EBF3: variants seen among roughly 807,000 people sequenced by gnomAD.
The protein encoded by EBF3 is EBF transcription factor 3.
Under a neutral mutation model 77.1 loss-of-function variants are expected in EBF3, and 18 were observed. That is an observed-to-expected ratio of 0.23 (90% CI 0.16 to 0.35). The LOEUF (loss-of-function observed/expected upper bound fraction) is 0.35, where lower values mean the gene tolerates loss of function less well. Ranked by LOEUF, EBF3 falls within the 10% of genes least tolerant of loss-of-function variation. The probability of loss-of-function intolerance (pLI) is 1.00; values close to 1 mark genes in which losing one functional copy is unlikely to be tolerated. For synonymous variants in EBF3, 350 were observed against 343.5 expected (o/e 1.02, Z -0.21); for missense variants, 558 against 860.0 (o/e 0.65, Z 4.39).
chr10:129,961,691 A>C (rs547186425), intron 4 of EBF3, among the ~76,000 whole-genome samples: 1 of 152,218 alleles, frequency 6.6e-6, no homozygotes, highest in East Asian at 1.9e-4. Context: ...TCACCCCAAC[A>C]CATTTAACTT....
In EBF3 at chr10:129,952,647, G is replaced by A. The variant is rs898333235; in HGVS notation, c.554+4611C>T. ...AAGTTCTCTGCTTGGAGATGGAGTA[G>A]GAATAAAAACATTGGGACTGGTCAA... On this transcript the variant is annotated intron_variant, in intron 6 of 16. Coordinates refer to ENST00000440978, the MANE Select transcript of EBF3 (RefSeq NM_001375380.1). The surrounding 1 kb of genome is among the most constrained non-coding windows in gnomAD (Gnocchi z 4.7). Among the ~76,000 whole-genome samples the A allele has an allele frequency of 6.6e-6, 1 of 152,010 alleles. No homozygotes were observed. The highest frequency in any genetic ancestry group is 2.4e-5 in the African/African-American group (1 of 41,384).
chr10:129,877,985 T>C (rs1852914199), intron 6 of EBF3, 136 bp from the exon 7 acceptor site: 3 of 669,788 alleles, frequency 4.5e-6, no homozygotes, highest in Non-Finnish European at 4.9e-6. Context: ...GGGGGCGACA[T>C]TGAGAAGAGG....
In EBF3 at chr10:129,943,418, T is replaced by C. The variant is rs1475092313; in HGVS notation, c.554+13840A>G. ...TTATAGGCTTGGCTGGATAATTTCA[T>C]TTTAAAAGTATCGCTAAAATTTGAT... On this transcript the variant is annotated intron_variant, in intron 6 of 16. Coordinates refer to ENST00000440978, the MANE Select transcript of EBF3 (RefSeq NM_001375380.1). The surrounding 1 kb of genome is among the most constrained non-coding windows in gnomAD (Gnocchi z 8.8). Among the ~76,000 whole-genome samples, 2 of 152,356 alleles carry C rather than the reference T, an allele frequency of 1.3e-5. No individual in the cohort carries two copies. The highest frequency in any genetic ancestry group is 2.1e-4 in the South Asian group (1 of 4,826).
At chr10:129,960,196 G>A (rs1446193888) in intron 4 of EBF3, among the ~76,000 whole-genome samples, 1 of 152,140 alleles carries the variant, frequency 6.6e-6, no homozygotes, top group Non-Finnish European at 1.5e-5. Flanking sequence ...TCCACGGAAG[G>A]GGGAGGGATG....
At chr10:129,937,918 A>T (rs1245444829) in intron 6 of EBF3, among the ~76,000 whole-genome samples, 1 of 152,242 alleles carries the variant, frequency 6.6e-6, no homozygotes, top group Non-Finnish European at 1.5e-5. Context: ...GTGAAGCATG[A>T]TGAAAACTCA....
chr10:129,960,505 G>C (rs973167582), intron 4 of EBF3, among the ~76,000 whole-genome samples: 1 of 152,154 alleles, frequency 6.6e-6, no homozygotes, highest in East Asian at 1.9e-4. Context: ...AGAGTGGCTT[G>C]TCCTCCGATG....
intron 6 of EBF3, among the ~76,000 whole-genome samples, chr10:129,890,044 T>C (rs1853912600): frequency 7.0e-6 from 1 of 143,498 alleles, no homozygotes; most frequent in African/African-American, 2.6e-5. Flanking sequence ...CCAGAGGTAG[T>C]GCAGGGCACA....
chr10:129,877,266 G>A (rs535352106), intron 7 of EBF3, among the ~76,000 whole-genome samples: 52 of 152,164 alleles, frequency 3.4e-4, no homozygotes, highest in African/African-American at 1.0e-3. Context: ...CAAGGCAGGC[G>A]GATTACTTGA....
chr10:129,922,975 T>C (rs1426171666), intron 6 of EBF3, among the ~76,000 whole-genome samples: 1 of 152,222 alleles, frequency 6.6e-6, no homozygotes, highest in Non-Finnish European at 1.5e-5. Flanking sequence ...TTTCAGGCCC[T>C]GGAGTCAGCT....
At chr10:129,908,812 G>T (rs1301260491) in intron 6 of EBF3, among the ~76,000 whole-genome samples, 3 of 152,178 alleles carry the variant, frequency 2.0e-5, no homozygotes, top group Non-Finnish European at 2.9e-5. Flanking sequence ...ACATCGAGAG[G>T]TGCAAGGCCA....
At chr10:129,871,561 C>T (rs1008189066) in intron 8 of EBF3, among the ~76,000 whole-genome samples, 2 of 152,072 alleles carry the variant, frequency 1.3e-5, no homozygotes, top group African/African-American at 4.8e-5. Context: ...GTAGAGCCAG[C>T]CTCCCACCCC....
chr10:129,900,794 T>C (rs1854726699), intron 6 of EBF3, among the ~76,000 whole-genome samples: 1 of 152,220 alleles, frequency 6.6e-6, no homozygotes, highest in Non-Finnish European at 1.5e-5. Context: ...CGTCACAGCC[T>C]TTGACACCCA....
chr10:129,853,975 T>C (rs760060209), intron 10 of EBF3, among the ~76,000 whole-genome samples: 1 of 152,206 alleles, frequency 6.6e-6, no homozygotes, highest in Non-Finnish European at 1.5e-5. Flanking sequence ...CTGCTGTTTC[T>C]CCAGATAGCT....
rs753895861 is a variant in EBF3 at position 129,841,033 on chromosome 10, C to A, written c.1373-1G>T. ...CTGCTTGTATTGCGACTGTAGCCGA[C>A]TGTTGAAATCCCCCCCCCGGCCAAA... On this transcript the variant is annotated splice_acceptor_variant, in intron 13 of 16. Coordinates refer to ENST00000440978, the MANE Select transcript of EBF3 (RefSeq NM_001375380.1). LOFTEE classifies it high-confidence loss of function. The surrounding 1 kb of genome is among the most constrained non-coding windows in gnomAD (Gnocchi z 4.6). The A allele has an allele frequency of 2.0e-6, 3 of 1,499,876 alleles. No homozygotes were observed. Among genetic ancestry groups the A allele is most frequent in the Admixed American group, 1.9e-5 (1 of 53,278 alleles). The allele number at this position is 1,499,876 out of a possible 1,614,324, so 92.9% of individuals were successfully genotyped here.
rs1429386065 is a variant in EBF3 at position 129,842,546 on chromosome 10, C to T, written c.1195-253G>A. 6.6e-6 allele frequency among the ~76,000 whole-genome samples: 1 copy of T among 152,146 alleles called. No individual in the cohort carries two copies. Among genetic ancestry groups the T allele is most frequent in the Non-Finnish European group, 1.5e-5 (1 of 68,026 alleles). On this transcript the variant is annotated intron_variant, in intron 12 of 16. Transcript: ENST00000440978. This position sits in a 1 kb window ranked among gnomAD's most constrained non-coding sequence, Gnocchi z 4.4. Reference sequence around the variant, plus strand: ...TGGGAGGTCAAGGCAGGCGGATCATCTGAGGTCAGGAGTTCAAGACCAGCC... The same window carrying T: ...TGGGAGGTCAAGGCAGGCGGATCATTTGAGGTCAGGAGTTCAAGACCAGCC...
intron 6 of EBF3, among the ~76,000 whole-genome samples, chr10:129,902,923 C>T: frequency 6.6e-6 from 1 of 152,204 alleles, no homozygotes; most frequent in East Asian, 1.9e-4. Flanking sequence ...TGCCAATTCA[C>T]ATCCAAGAGA....
At chr10:129,854,013 G>T (rs7096878) in intron 10 of EBF3, among the ~76,000 whole-genome samples, 7 of 152,104 alleles carry the variant, frequency 4.6e-5, no homozygotes, top group Non-Finnish European at 7.4e-5. Flanking sequence ...TGTATAAAAA[G>T]TTGCATTAAA....
intron 6 of EBF3, among the ~76,000 whole-genome samples, chr10:129,915,025 G>A (rs571766814): frequency 6.6e-6 from 1 of 152,314 alleles, no homozygotes; most frequent in South Asian, 2.1e-4. Flanking sequence ...AAATGTGCTT[G>A]GCAAACCCTT....
At chr10:129,872,845 A>C (rs568651335) in intron 8 of EBF3, among the ~76,000 whole-genome samples, 22 of 152,186 alleles carry the variant, frequency 1.4e-4, no homozygotes, top group Admixed American at 4.6e-4. Flanking sequence ...CCTGATATCC[A>C]AGAACCTTTC....
Sources: allele counts gnomAD v4.1 joint callset (sites outside exome capture counted in the v4.1 genomes callset), GRCh38; gene constraint gnomAD v4.1.1; non-coding constraint Gnocchi (gnomAD v3.1); transcripts MANE v1.5; gene names NCBI Gene and HGNC (gene_info 2026-07-23, HGNC 2026-07-21).